The following WWOX variants were observed in gnomAD, a reference collection of about 807,000 sequenced individuals.
WWOX encodes WW domain-containing oxidoreductase.
WWOX carries 69 observed loss-of-function variants against 46.2 expected under a neutral mutation model. That is an observed-to-expected ratio of 1.49 (90% CI 1.23 to 1.82). The LOEUF (loss-of-function observed/expected upper bound fraction) is 1.82. Ranked by LOEUF, WWOX falls within the 40% of genes most tolerant of loss-of-function variation. The pLI, the probability that WWOX is intolerant of heterozygous loss-of-function variation, is 0.00. For missense variants in WWOX, 919 were observed against 542.6 expected (o/e 1.69, Z -6.89); for synonymous variants, 359 against 202.6 (o/e 1.77, Z -6.56).
intron 6 of WWOX, among the ~76,000 whole-genome samples, chr16:78,399,982 T>C (rs1195414437): frequency 6.6e-6 from 1 of 152,218 alleles, no homozygotes; most frequent in Non-Finnish European, 1.5e-5. Context: ...AGGAAGATTA[T>C]ATTTTTAGTT....
At chr16:78,889,984 GT>G (rs369964808) in intron 8 of WWOX, among the ~76,000 whole-genome samples, 6 of 150,828 alleles carry the variant, frequency 4.0e-5, no homozygotes, top group African/African-American at 7.3e-5. Context: ...ATGAATCTCT[GT>G]TTTTTTTTCT....
At chr16:78,277,230 G>C (rs917070467) in intron 5 of WWOX, among the ~76,000 whole-genome samples, 2 of 152,212 alleles carry the variant, frequency 1.3e-5, no homozygotes, top group Non-Finnish European at 2.9e-5. Flanking sequence ...ATTAAGTAGA[G>C]AGAGAAGCTC....
chr16:78,660,130 G>A (rs1000571272), intron 8 of WWOX, among the ~76,000 whole-genome samples: 3 of 152,156 alleles, frequency 2.0e-5, no homozygotes, highest in Non-Finnish European at 4.4e-5. Context: ...CTCTGTTTCA[G>A]AGGGCCTTTC....
intron 8 of WWOX, among the ~76,000 whole-genome samples, chr16:79,144,097 C>T (rs946508232): frequency 9.2e-5 from 14 of 152,102 alleles, no homozygotes; most frequent in African/African-American, 3.4e-4. Context: ...TGGAGTATTG[C>T]TATGTTGCCC....
intron 8 of WWOX, among the ~76,000 whole-genome samples, chr16:78,800,088 A>T (rs928802906): frequency 2.0e-5 from 3 of 152,142 alleles, no homozygotes; most frequent in Admixed American, 2.0e-4. Flanking sequence ...TGGCTCTGAG[A>T]TGATACGTTT....
chr16:78,176,811 A>G (rs1269641599), intron 5 of WWOX, among the ~76,000 whole-genome samples: 3 of 152,208 alleles, frequency 2.0e-5, no homozygotes, highest in African/African-American at 7.2e-5. Flanking sequence ...AGAAGATAAA[A>G]ATAAAAAGGA....
At chr16:78,399,018 G>GGCTA (rs1370790229) in intron 6 of WWOX, among the ~76,000 whole-genome samples, 1 of 148,616 alleles carries the variant, frequency 6.7e-6, no homozygotes, top group African/African-American at 2.6e-5. Flanking sequence ...GTGGCTGGCT[G>GGCTA]GCTAGATGGA....
chr16:78,179,443 C>T (rs879449374), intron 5 of WWOX, among the ~76,000 whole-genome samples: 1 of 152,078 alleles, frequency 6.6e-6, no homozygotes, highest in Non-Finnish European at 1.5e-5. Flanking sequence ...AAAACTGAGG[C>T]CCACAGAAGG....
chr16:79,079,320 G>A (rs1230577094), intron 8 of WWOX, among the ~76,000 whole-genome samples: 1 of 152,034 alleles, frequency 6.6e-6, no homozygotes, highest in Admixed American at 6.5e-5. Context: ...TCCAATTTTT[G>A]CCTCTCTTTT....
At chr16:78,812,380 A>G (rs997689456) in intron 8 of WWOX, among the ~76,000 whole-genome samples, 2 of 152,046 alleles carry the variant, frequency 1.3e-5, no homozygotes, top group Non-Finnish European at 2.9e-5. Flanking sequence ...GTTCTTGGGT[A>G]ATGTCAAACA....
chr16:79,058,205 A>G (rs547193778), intron 8 of WWOX, among the ~76,000 whole-genome samples: 1 of 151,906 alleles, frequency 6.6e-6, no homozygotes, highest in South Asian at 2.1e-4. Context: ...AGTCAGGCAG[A>G]TACAGGTGTG....
intron 8 of WWOX, among the ~76,000 whole-genome samples, chr16:79,039,288 G>A (rs186818155): frequency 1.1e-4 from 16 of 152,144 alleles, no homozygotes; most frequent in Non-Finnish European, 1.9e-4. Flanking sequence ...ACCTCTCTGC[G>A]CCCTTGGATT....
intron 8 of WWOX, among the ~76,000 whole-genome samples, chr16:78,580,726 G>T (rs1326221047): frequency 6.6e-6 from 1 of 152,190 alleles, no homozygotes; most frequent in Non-Finnish European, 1.5e-5. Flanking sequence ...TACTGCAGTG[G>T]TGAGAAAATG....
intron 8 of WWOX, among the ~76,000 whole-genome samples, chr16:78,612,520 A>G (rs185258792): frequency 1.1e-4 from 16 of 152,328 alleles, no homozygotes; most frequent in African/African-American, 3.4e-4. Flanking sequence ...TCTTTTGCCT[A>G]GGCCATAGTG....
At chr16:78,723,908 G>C (rs544515249) in intron 8 of WWOX, among the ~76,000 whole-genome samples, 1 of 152,262 alleles carries the variant, frequency 6.6e-6, no homozygotes, top group African/African-American at 2.4e-5. Flanking sequence ...AGACAGTCTA[G>C]TTTGGATTAT....
intron 8 of WWOX, among the ~76,000 whole-genome samples, chr16:78,622,497 G>A (rs931003891): frequency 1.2e-4 from 18 of 151,374 alleles, no homozygotes; most frequent in Non-Finnish European, 1.9e-4. Context: ...AGCTGAGATC[G>A]TGCCACTGTA....
At position 78,938,212 on chromosome 16, in the gene WWOX, C is replaced by A. The variant is rs114465422; in HGVS notation, c.1057-273396C>A. ...GAGAGGAGTGTGAAATACATGAAGG[C>A]AGGACTTCCACACACCTGGACGTGA... On this transcript the variant is annotated intron_variant, in intron 8 of 8. Transcript: ENST00000566780. Among the ~76,000 whole-genome samples, 803 of 152,288 alleles carry A rather than the reference C, an allele frequency of 5.3e-3. 9 individuals carry two copies. The highest frequency in any genetic ancestry group is 0.019 in the African/African-American group (774 of 41,572).
At chr16:78,144,353 A>C (rs1328238344) in intron 4 of WWOX, among the ~76,000 whole-genome samples, 2 of 146,106 alleles carry the variant, frequency 1.4e-5, no homozygotes, top group East Asian at 4.0e-4. Flanking sequence ...TAGCTAATGT[A>C]GCAATAATTA....
chr16:78,510,260 A>G (rs1347454447), intron 8 of WWOX, among the ~76,000 whole-genome samples: 1 of 151,896 alleles, frequency 6.6e-6, no homozygotes, highest in Non-Finnish European at 1.5e-5. Context: ...ACCATGCTAG[A>G]GGTGGCGCGA....
Sources: gnomAD v4.1 joint callset for allele counts (sites outside exome capture counted in the v4.1 genomes callset) on GRCh38, gnomAD v4.1.1 for gene constraint, MANE v1.5 for transcripts, NCBI Gene and HGNC (gene_info 2026-07-23, HGNC 2026-07-21) for gene names.